PTPRM: variants seen among roughly 807,000 people sequenced by gnomAD.
PTPRM encodes the protein receptor-type tyrosine-protein phosphatase mu.
A neutral mutation model predicts 186.7 loss-of-function variants in PTPRM; 47 were observed. That is an observed-to-expected ratio of 0.25 (90% confidence interval 0.20 to 0.32). The LOEUF is 0.32. PTPRM is among the 10% of genes least tolerant of loss of function. PTPRM has a pLI of 1.00. For synonymous variants in PTPRM, 668 were observed against 674.9 expected, an observed-to-expected ratio of 0.99 and a Z score of 0.16; for missense variants, 1,494 against 1,865.0, an observed-to-expected ratio of 0.80 and a Z score of 3.66.
At chr18:7,611,417 T>C (rs980014425) in intron 1 of PTPRM, among the ~76,000 whole-genome samples, 17 of 152,200 alleles carry the variant, frequency 1.1e-4, no homozygotes, top group African/African-American at 4.1e-4. Context: ...TCATGGTAAC[T>C]GCCCTATACA....
chr18:8,396,005 C>T (rs1440175860), intron 32 of PTPRM, among the ~76,000 whole-genome samples: 2 of 152,114 alleles, frequency 1.3e-5, no homozygotes, highest in Non-Finnish European at 2.9e-5. Context: ...GTCTGCCAGG[C>T]GTGATGCCAT....
At chr18:7,891,456 G>A (rs2049075698) in intron 3 of PTPRM, among the ~76,000 whole-genome samples, 1 of 151,974 alleles carries the variant, frequency 6.6e-6, no homozygotes, top group Non-Finnish European at 1.5e-5. Context: ...CCTCCAGAAG[G>A]AAAATATCTT....
At chr18:8,338,284 T>A (rs619475) in intron 22 of PTPRM, among the ~76,000 whole-genome samples, 102,402 of 147,480 alleles carry the variant, frequency 0.69, 35,657 homozygotes, top group Admixed American at 0.8. Flanking sequence ...AATTTAAAAA[T>A]ATATATATAT....
chr18:7,856,743 CAAA>C (rs5822986), intron 2 of PTPRM, among the ~76,000 whole-genome samples: 2 of 140,600 alleles, frequency 1.4e-5, no homozygotes, highest in Admixed American at 1.4e-4. Flanking sequence ...GACCCTGTCT[CAAA>C]AAAAAAAAAA....
At chr18:7,892,771 T>A (rs1404206743) in intron 3 of PTPRM, among the ~76,000 whole-genome samples, 2 of 152,190 alleles carry the variant, frequency 1.3e-5, no homozygotes, top group Non-Finnish European at 2.9e-5. Flanking sequence ...ATCGTCCGAT[T>A]CTGGTGAAAG....
intron 14 of PTPRM, among the ~76,000 whole-genome samples, chr18:8,201,115 A>T (rs1441927289): frequency 1.3e-5 from 2 of 152,206 alleles, no homozygotes; most frequent in East Asian, 3.9e-4. Flanking sequence ...CAGGAGTTCA[A>T]GACCAGACTG....
chr18:7,687,337 C>G (rs1453225639), intron 1 of PTPRM, among the ~76,000 whole-genome samples: 2 of 151,956 alleles, frequency 1.3e-5, no homozygotes, highest in African/African-American at 2.4e-5. Flanking sequence ...CATAAAACCA[C>G]CAGGGAAATT....
At chr18:7,871,379 G>T (rs1164191159) in intron 2 of PTPRM, among the ~76,000 whole-genome samples, 1 of 152,126 alleles carries the variant, frequency 6.6e-6, no homozygotes. Flanking sequence ...CTAAACTTGC[G>T]TTAGCCATTG....
chr18:8,064,178 G>A (rs539619122), intron 7 of PTPRM, among the ~76,000 whole-genome samples: 1 of 151,966 alleles, frequency 6.6e-6, no homozygotes, highest in South Asian at 2.1e-4. Context: ...TTATTTAGTT[G>A]CTATGTAGAT....
chr18:8,314,763 G>C lies in PTPRM; in HGVS notation c.2843-18G>C. The C allele has an allele frequency of 1.2e-6, 2 of 1,603,246 alleles. No individual in the cohort carries two copies. Among genetic ancestry groups the C allele is most frequent in the Middle Eastern group, 1.7e-4 (1 of 6,016 alleles). On this transcript the variant is annotated intron_variant, in intron 20 of 32. Transcript: ENST00000580170. ...TTGCTTTTGTTAATCGTTATTTTCT[G>C]TCCCTTTTCCTTTGCAGACGATCAT... is the stretch of plus-strand genomic sequence containing the variant.
At chr18:8,055,862 T>A (rs2087889313) in intron 7 of PTPRM, among the ~76,000 whole-genome samples, 1 of 152,236 alleles carries the variant, frequency 6.6e-6, no homozygotes, top group South Asian at 2.1e-4. Flanking sequence ...GAGAACATCA[T>A]ATTTGGCTTC....
intron 7 of PTPRM, among the ~76,000 whole-genome samples, chr18:8,061,336 G>A (rs2088485421): frequency 7.5e-6 from 1 of 133,174 alleles, no homozygotes; most frequent in Non-Finnish European, 1.6e-5. Flanking sequence ...CTTTTATTTT[G>A]AGCCTATGTG....
intron 32 of PTPRM, among the ~76,000 whole-genome samples, chr18:8,399,349 G>A (rs185770927): frequency 2.0e-5 from 3 of 152,172 alleles, no homozygotes; most frequent in East Asian, 1.9e-4. Context: ...GTTGGATGGC[G>A]ACGTAGCACC....
chr18:7,829,708 A>G lies in PTPRM; in HGVS notation c.196+55437A>G, dbSNP rs116287302. ...ATGGAATTCTTTCATTTGGCCATATAAAAACTTTCATGTGGTACTTCCAAA... is the reference window on the plus strand; with the variant it reads ...ATGGAATTCTTTCATTTGGCCATATGAAAACTTTCATGTGGTACTTCCAAA... On this transcript the variant is annotated intron_variant, in intron 2 of 32. Transcript: ENST00000580170. 5.1e-3 allele frequency among the ~76,000 whole-genome samples: 772 copies of G among 152,296 alleles called. 10 individuals carry two copies. The highest frequency in any genetic ancestry group is 0.017 in the African/African-American group (724 of 41,566).
chr18:7,962,613 TTCC>T (rs1346212470), intron 7 of PTPRM, among the ~76,000 whole-genome samples: 1 of 152,222 alleles, frequency 6.6e-6, no homozygotes, highest in Admixed American at 6.5e-5. Context: ...TAGTGACAGG[TTCC>T]TTGGCAAGGG....
At chr18:8,083,270 A>G (rs1047561691) in intron 9 of PTPRM, among the ~76,000 whole-genome samples, 1 of 152,122 alleles carries the variant, frequency 6.6e-6, no homozygotes, top group African/African-American at 2.4e-5. Context: ...TATGTATCCA[A>G]ACTTTTTATC....
At chr18:7,736,824 C>T (rs906640438) in intron 1 of PTPRM, among the ~76,000 whole-genome samples, 11 of 152,180 alleles carry the variant, frequency 7.2e-5, no homozygotes, top group East Asian at 3.9e-4. Flanking sequence ...GGCCTGGTTT[C>T]GGGCCTGGCG....
At position 7,720,963 on chromosome 18, in the gene PTPRM, G is replaced by C. The variant is rs1332665538; in HGVS notation, c.74-53186G>C. Among the ~76,000 whole-genome samples the C allele has an allele frequency of 5.3e-5, 8 of 152,028 alleles. No homozygotes were observed. The South Asian group carries it at 8.3e-4, about 16-fold the overall frequency. The stretch of plus-strand genomic sequence containing the variant: ...GGGTATACAGATTTCTCAGGACCAT[G>C]CTTTGAATTCTTTTTGATATATACT... On this transcript the variant is annotated intron_variant, in intron 1 of 32. Transcript: ENST00000580170.
At chr18:7,770,328 A>C (rs10502360) in intron 1 of PTPRM, among the ~76,000 whole-genome samples, 28,509 of 152,132 alleles carry the variant, frequency 0.19, 6,837 homozygotes, top group African/African-American at 0.57. Flanking sequence ...TTAATAGAGG[A>C]ACCTACAGGA....
Sources: allele counts gnomAD v4.1 joint callset (sites outside exome capture counted in the v4.1 genomes callset), GRCh38; gene constraint gnomAD v4.1.1; transcripts MANE v1.5; gene names NCBI Gene and HGNC (gene_info 2026-07-23, HGNC 2026-07-21).